OPCML: variants seen among roughly 807,000 people sequenced by gnomAD.
The protein encoded by OPCML is opioid binding protein/cell adhesion molecule like.
OPCML carries 13 observed loss-of-function variants against 37.8 expected under a neutral mutation model. The ratio of observed to expected loss-of-function variants is 0.34; its 90% confidence interval spans 0.22 to 0.55. The LOEUF (loss-of-function observed/expected upper bound fraction) is 0.55, where lower values mean the gene tolerates loss of function less well. Among genes scored for constraint, OPCML ranks in the 20% least tolerant of loss-of-function variants. The pLI, the probability that OPCML is intolerant of heterozygous loss-of-function variation, is 0.91. For missense variants in OPCML, 341 were observed against 435.6 expected (o/e 0.78, Z 1.93); for synonymous variants, 176 against 168.8 (o/e 1.04, Z -0.33).
intron 1 of OPCML, among the ~76,000 whole-genome samples, chr11:133,349,244 T>G (rs954707063): frequency 6.6e-6 from 1 of 152,192 alleles, no homozygotes; most frequent in African/African-American, 2.4e-5. Context: ...GGATTGGAAA[T>G]GAAGACCATT....
intron 1 of OPCML, among the ~76,000 whole-genome samples, chr11:133,095,726 G>C (rs947070967): frequency 5.3e-5 from 8 of 150,322 alleles, no homozygotes; most frequent in Admixed American, 4.0e-4. Context: ...CAGAGGAAAA[G>C]ACCACCTTAT....
intron 2 of OPCML, among the ~76,000 whole-genome samples, chr11:132,842,351 C>T (rs927002329): frequency 4.6e-5 from 7 of 152,158 alleles, no homozygotes; most frequent in Admixed American, 2.0e-4. Flanking sequence ...TCTGTATTAA[C>T]GGGAACTCAG....
chr11:133,040,527 C>T (rs1054239750), intron 1 of OPCML, among the ~76,000 whole-genome samples: 2 of 152,178 alleles, frequency 1.3e-5, no homozygotes, highest in Non-Finnish European at 2.9e-5. Context: ...TTAATTCCTG[C>T]ATGCATGTGT....
chr11:133,285,996 A>C (rs4937762), intron 1 of OPCML, among the ~76,000 whole-genome samples: 40,105 of 151,802 alleles, frequency 0.26, 6,339 homozygotes, highest in East Asian at 0.75. Flanking sequence ...TACAAGTCCC[A>C]AAAAAATATG....
In OPCML at chr11:133,211,728, G is replaced by A. The variant is rs61046400; in HGVS notation, c.62-268718C>T. ...CACAGACTGTGTGGACTAAATCATC[G>A]TGAGCATCATCATTTATTATACCAT... On this transcript the variant is annotated intron_variant, in intron 1 of 7. Transcript: ENST00000524381. The surrounding 1 kb of genome is among the most constrained non-coding windows in gnomAD (Gnocchi z 4.1). 0.016 allele frequency among the ~76,000 whole-genome samples: 2,494 copies of A among 152,252 alleles called. 53 individuals carry two copies. The highest frequency in any genetic ancestry group is 0.056 in the African/African-American group (2,335 of 41,544).
intron 1 of OPCML, among the ~76,000 whole-genome samples, chr11:133,073,590 G>A (rs1948577934): frequency 6.6e-6 from 1 of 152,240 alleles, no homozygotes; most frequent in South Asian, 2.1e-4. Flanking sequence ...GGGGGTAAGA[G>A]TTACATCAGC....
At chr11:133,485,171 G>A (rs1165406885) in intron 1 of OPCML, among the ~76,000 whole-genome samples, 1 of 150,030 alleles carries the variant, frequency 6.7e-6, no homozygotes, top group Non-Finnish European at 1.5e-5. Flanking sequence ...ATGAAAACTT[G>A]CTAAGGATTC....
At chr11:132,663,923 C>T (rs986951164) in intron 2 of OPCML, among the ~76,000 whole-genome samples, 1 of 152,140 alleles carries the variant, frequency 6.6e-6, no homozygotes, top group Admixed American at 6.5e-5. Flanking sequence ...AGCTCCGCCT[C>T]CCGGGTTCAC....
intron 2 of OPCML, among the ~76,000 whole-genome samples, chr11:132,865,368 G>C (rs908095135): frequency 1.3e-5 from 2 of 152,054 alleles, no homozygotes; most frequent in Non-Finnish European, 1.5e-5. Context: ...TTTTGCTTAG[G>C]AGGCATTTTT....
intron 3 of OPCML, among the ~76,000 whole-genome samples, chr11:132,554,887 T>G: frequency 7.4e-6 from 1 of 135,608 alleles, no homozygotes; most frequent in East Asian, 2.3e-4. Flanking sequence ...TTTTTTTTTT[T>G]TTTTCATTAG....
At chr11:133,023,302 C>G (rs933184115) in intron 1 of OPCML, among the ~76,000 whole-genome samples, 2 of 152,198 alleles carry the variant, frequency 1.3e-5, no homozygotes, top group Middle Eastern at 3.2e-3. Context: ...TGCAGCCAAG[C>G]AGTACAGCTA....
At chr11:133,163,081 G>A (rs1307301020) in intron 1 of OPCML, among the ~76,000 whole-genome samples, 1 of 152,208 alleles carries the variant, frequency 6.6e-6, no homozygotes, top group African/African-American at 2.4e-5. Flanking sequence ...TTCCCACTGT[G>A]AGATGACATT....
intron 1 of OPCML, among the ~76,000 whole-genome samples, chr11:133,483,344 GAT>G (rs1385421436): frequency 2.4e-5 from 2 of 84,134 alleles, no homozygotes; most frequent in South Asian, 6.0e-4. Context: ...ATAGATAATA[GAT>G]ATAGATAGAT....
At chr11:132,769,783 A>T (rs1161857567) in intron 2 of OPCML, among the ~76,000 whole-genome samples, 1 of 152,162 alleles carries the variant, frequency 6.6e-6, no homozygotes, top group East Asian at 1.9e-4. Context: ...TCTGTGGTAG[A>T]GACAAACACA....
At chr11:133,156,581 G>C (rs1259180366) in intron 1 of OPCML, among the ~76,000 whole-genome samples, 1 of 152,170 alleles carries the variant, frequency 6.6e-6, no homozygotes, top group Non-Finnish European at 1.5e-5. Flanking sequence ...CCCCTTAGTG[G>C]AGAATCCTCC....
chr11:132,816,669 T>A (rs1317665180), intron 2 of OPCML, among the ~76,000 whole-genome samples: 1 of 152,146 alleles, frequency 6.6e-6, no homozygotes, highest in Non-Finnish European at 1.5e-5. Flanking sequence ...AATCACAGCG[T>A]TCGAGAGTTC....
intron 1 of OPCML, among the ~76,000 whole-genome samples, chr11:133,317,920 G>C (rs1943243249): frequency 6.6e-6 from 1 of 152,150 alleles, no homozygotes. Context: ...ACTGTTCATT[G>C]CTTGCCTATT....
At chr11:132,987,735 G>C (rs76686526) in intron 1 of OPCML, among the ~76,000 whole-genome samples, 1 of 151,966 alleles carries the variant, frequency 6.6e-6, no homozygotes, top group Non-Finnish European at 1.5e-5. Context: ...GAAGCATAGC[G>C]TCTTCCCTAT....
intron 2 of OPCML, among the ~76,000 whole-genome samples, chr11:132,780,941 T>C (rs1946985562): frequency 6.6e-6 from 1 of 152,228 alleles, no homozygotes; most frequent in Non-Finnish European, 1.5e-5. Context: ...TTAAAAATAT[T>C]GTGAATCATA....
Sources: gnomAD v4.1 joint callset for allele counts (sites outside exome capture counted in the v4.1 genomes callset) on GRCh38, gnomAD v4.1.1 for gene constraint, Gnocchi (gnomAD v3.1) non-coding constraint, MANE v1.5 for transcripts, NCBI Gene and HGNC (gene_info 2026-07-23, HGNC 2026-07-21) for gene names.